FRYL: variants seen among roughly 807,000 people sequenced by gnomAD.
FRYL encodes FRY like transcription coactivator, also known as protein furry homolog-like.
A neutral mutation model predicts 351.2 loss-of-function variants in FRYL; 150 were observed. That is an observed-to-expected ratio of 0.43 (90% CI 0.37 to 0.49). The LOEUF (loss-of-function observed/expected upper bound fraction) is 0.49. Ranked by LOEUF, FRYL falls within the 20% of genes least tolerant of loss-of-function variation. The pLI is 0.00. For synonymous variants in FRYL, 1,153 were observed against 1,257.1 expected (o/e 0.92, Z 1.75); for missense variants, 3,036 against 3,619.3 (o/e 0.84, Z 4.13).
intron 34 of FRYL, 138 bp from the exon 35 acceptor site, chr4:48,557,256 T>A: frequency 8.1e-7 from 1 of 1,227,860 alleles, no homozygotes. Context: ...AACAATAATT[T>A]CTTCCAACAA....
chr4:48,762,134 A>G (rs935754591), intron 1 of FRYL, among the ~76,000 whole-genome samples: 4 of 152,190 alleles, frequency 2.6e-5, no homozygotes, highest in African/African-American at 9.7e-5. Context: ...TGGCATGCAG[A>G]TCTCAGAATT....
intron 1 of FRYL, among the ~76,000 whole-genome samples, chr4:48,732,995 G>A (rs1390174107): frequency 6.6e-6 from 1 of 151,842 alleles, no homozygotes; most frequent in Non-Finnish European, 1.5e-5. Flanking sequence ...GTGAGAAAAG[G>A]CCGGGTGTGG....
At chr4:48,731,648 A>C (rs1770737438) in intron 1 of FRYL, among the ~76,000 whole-genome samples, 1 of 152,196 alleles carries the variant, frequency 6.6e-6, no homozygotes, top group East Asian at 1.9e-4. Context: ...CCACCATCTG[A>C]TCTTTGACAA....
At chr4:48,572,712 C>T (rs11727472) in intron 26 of FRYL, among the ~76,000 whole-genome samples, 144,286 of 152,332 alleles carry the variant, frequency 0.95, 68,444 homozygotes, top group South Asian at 0.98. Flanking sequence ...TTTCTGAAAG[C>T]TGCTCAGAAC....
chr4:48,656,297 GTATAT>G (rs1194301412), intron 3 of FRYL, among the ~76,000 whole-genome samples: 20 of 7,324 alleles, frequency 2.7e-3, no homozygotes, highest in Non-Finnish European at 4.8e-3. Flanking sequence ...AAATAAATTT[GTATAT>G]TATATTATAT....
chr4:48,606,194 A>G (rs762803007), intron 10 of FRYL, among the ~76,000 whole-genome samples: 24 of 151,760 alleles, frequency 1.6e-4, no homozygotes, highest in Non-Finnish European at 2.8e-4. Context: ...AATCGCTTCA[A>G]TCAGGAAGGT....
chr4:48,561,052 A>G (rs1735393353), intron 33 of FRYL, among the ~76,000 whole-genome samples: 1 of 152,226 alleles, frequency 6.6e-6, no homozygotes, highest in Non-Finnish European at 1.5e-5. Flanking sequence ...ACCTGCTCCT[A>G]TGGTTAGGGG....
At chr4:48,636,984 A>C (rs1754362182) in intron 3 of FRYL, 1 of 152,124 alleles carries the variant, frequency 6.6e-6, no homozygotes, top group African/African-American at 2.4e-5. Flanking sequence ...TTCAAAATAC[A>C]GCATTAGGTG....
chr4:48,595,231 T>C (rs776462048), intron 15 of FRYL, among the ~76,000 whole-genome samples: 2 of 152,238 alleles, frequency 1.3e-5, no homozygotes, highest in Non-Finnish European at 2.9e-5. Flanking sequence ...GAGCTATCTA[T>C]ATTCCTTTCG....
chr4:48,676,757 T>C (rs1479431733), intron 3 of FRYL, among the ~76,000 whole-genome samples: 1 of 152,210 alleles, frequency 6.6e-6, no homozygotes, highest in Non-Finnish European at 1.5e-5. Flanking sequence ...CTTCCAATCT[T>C]GTATACTTTC....
intron 62 of FRYL, 102 bp downstream of exon 62, chr4:48,501,521 C>T: frequency 2.8e-6 from 2 of 718,004 alleles, no homozygotes; most frequent in Non-Finnish European, 2.5e-6. Context: ...AAAAGACTCA[C>T]TCTAAGTGAC....
chr4:48,611,285 T>C (rs1471179373), intron 7 of FRYL, among the ~76,000 whole-genome samples: 1 of 150,680 alleles, frequency 6.6e-6, no homozygotes, highest in East Asian at 1.9e-4. Flanking sequence ...CTGTATTTCC[T>C]ATTATTTTTT....
In FRYL at chr4:48,531,324, T is replaced by C. The variant is rs1397563330; in HGVS notation, c.6735A>G (p.Ile2245Met). 2 of 1,613,638 alleles carry C rather than the reference T, an allele frequency of 1.2e-6. No homozygotes were observed. Among genetic ancestry groups the C allele is most frequent in the South Asian group, 2.2e-5 (2 of 91,078 alleles). ...QSPYWKEALN[I>M]LKLVVSRSAS... ...CAGAGCGTGACACCACCAGCTTTAA[T>C]ATGTTAAGGGCTTCCTTCCAGTAAG... Residue 2245 changes from isoleucine to methionine, a missense_variant, in exon 50 of 64, where the codon ATA becomes ATG. Around this residue, in one of 7 missense-constraint regions of FRYL, gnomAD observed 1,987 missense variants for 2,311.7 expected, o/e 0.86. Transcript: ENST00000358350.
intron 21 of FRYL, 76 bp downstream of exon 21, chr4:48,581,344 C>T (rs1740861686): frequency 7.5e-7 from 1 of 1,330,190 alleles, no homozygotes; most frequent in African/African-American, 1.5e-5. Context: ...AACCTACCTA[C>T]ATGGGATAAG....
chr4:48,730,738 A>G (rs958713411), intron 1 of FRYL, among the ~76,000 whole-genome samples: 5 of 152,200 alleles, frequency 3.3e-5, no homozygotes, highest in African/African-American at 1.2e-4. Flanking sequence ...GAATCACTAA[A>G]CACTAAATAC....
intron 32 of FRYL, among the ~76,000 whole-genome samples, 188 bp downstream of exon 32, chr4:48,562,701 C>T (rs1391130303): frequency 6.6e-6 from 1 of 152,090 alleles, no homozygotes; most frequent in Non-Finnish European, 1.5e-5. Flanking sequence ...GTCTGCATTA[C>T]TTATAAATTT....
At chr4:48,723,348 G>A (rs1468854687) in intron 1 of FRYL, among the ~76,000 whole-genome samples, 2 of 151,926 alleles carry the variant, frequency 1.3e-5, no homozygotes, top group African/African-American at 4.8e-5. Context: ...TCACCATGTT[G>A]CCCAGGCTGG....
At chr4:48,755,831 T>C (rs1160336521) in intron 1 of FRYL, among the ~76,000 whole-genome samples, 1 of 152,056 alleles carries the variant, frequency 6.6e-6, no homozygotes, top group Non-Finnish European at 1.5e-5. Context: ...AACTATCTCA[T>C]GCATTCTACT....
chr4:48,553,129 A>C, intron 36 of FRYL, 86 bp downstream of exon 36: 1 of 974,012 alleles, frequency 1.0e-6, no homozygotes, highest in East Asian at 2.4e-5. Context: ...GTTATGGGAC[A>C]TAGAGACCCT....
Sources: allele counts gnomAD v4.1 joint callset (sites outside exome capture counted in the v4.1 genomes callset), GRCh38; gene constraint gnomAD v4.1.1; regional missense constraint gnomAD v4.1.1; transcripts MANE v1.5; gene names NCBI Gene and HGNC (gene_info 2026-07-23, HGNC 2026-07-21).